Variants in HERC4 observed in about 807,000 individuals in gnomAD.
HERC4 encodes probable E3 ubiquitin-protein ligase HERC4.
A neutral mutation model predicts 124.3 loss-of-function variants in HERC4; 28 were observed. The observed-to-expected ratio is 0.23, with a 90% CI of 0.17 to 0.31. HERC4 has a LOEUF of 0.31. Among genes scored for constraint, HERC4 ranks in the 10% least tolerant of loss-of-function variants. The probability of loss-of-function intolerance (pLI) is 1.00; values close to 1 mark genes in which losing one functional copy is unlikely to be tolerated. For missense variants in HERC4, 713 were observed against 1,229.3 expected, an observed-to-expected ratio of 0.58 and a Z score of 6.28; for synonymous variants, 407 against 421.5, an observed-to-expected ratio of 0.97 and a Z score of 0.42.
intron 19 of HERC4, among the ~76,000 whole-genome samples, chr10:67,950,977 A>C (rs560900465): frequency 3.9e-4 from 60 of 152,300 alleles, no homozygotes; most frequent in African/African-American, 1.4e-3. Flanking sequence ...ATAAACCTGG[A>C]ATGTTTACCG....
chr10:68,040,310 C>T (rs1272251395), intron 4 of HERC4: 1 of 971,750 alleles, frequency 1.0e-6, no homozygotes, highest in African/African-American at 1.8e-5. Context: ...TGCGTCATTA[C>T]TGTGTTAAAG....
At chr10:67,926,517 T>C (rs12773188) in intron 23 of HERC4, among the ~76,000 whole-genome samples, 71,296 of 152,104 alleles carry the variant, frequency 0.47, 20,740 homozygotes, top group Non-Finnish European at 0.66. Context: ...CAGCCGCAGT[T>C]GGCTTTAACT....
At chr10:68,073,387 T>C (rs536487227) in intron 2 of HERC4, among the ~76,000 whole-genome samples, 2 of 152,312 alleles carry the variant, frequency 1.3e-5, no homozygotes, top group East Asian at 1.9e-4. Context: ...AGGGAAAATA[T>C]GACACTTTCT....
intron 3 of HERC4, among the ~76,000 whole-genome samples, chr10:68,051,273 A>C (rs2133595517): frequency 6.6e-6 from 1 of 152,230 alleles, no homozygotes; most frequent in South Asian, 2.1e-4. Flanking sequence ...GTAATTCTGA[A>C]ATAAAAAGGT....
chr10:67,989,886 TTCC>T (rs200357240), intron 14 of HERC4, among the ~76,000 whole-genome samples: 2,321 of 152,174 alleles, frequency 0.015, 69 homozygotes, highest in African/African-American at 0.053. Context: ...GTTTTAATTG[TTCC>T]TCCTCCTTTA....
At chr10:67,983,464 C>T (rs1014611331) in intron 15 of HERC4, among the ~76,000 whole-genome samples, 2 of 152,026 alleles carry the variant, frequency 1.3e-5, no homozygotes, top group African/African-American at 4.8e-5. Context: ...GATTTGGAAG[C>T]AATCTAAGTG....
intron 15 of HERC4, among the ~76,000 whole-genome samples, chr10:67,986,392 G>A (rs2036261639): frequency 6.6e-6 from 1 of 152,088 alleles, no homozygotes; most frequent in Non-Finnish European, 1.5e-5. Flanking sequence ...TCACTCTTTT[G>A]CCCAGGCTGG....
intron 3 of HERC4, among the ~76,000 whole-genome samples, chr10:68,059,618 A>AATAATATTATATATC (rs1564608005): frequency 1.1e-5 from 1 of 89,914 alleles, no homozygotes; most frequent in African/African-American, 6.3e-5. Flanking sequence ...TATATATCAT[A>AATAATATTATATATC]ATATTATATA....
At chr10:67,974,935 A>G (rs2035490610) in intron 15 of HERC4, among the ~76,000 whole-genome samples, 1 of 152,186 alleles carries the variant, frequency 6.6e-6, no homozygotes, top group Non-Finnish European at 1.5e-5. Flanking sequence ...TCATGCCTGT[A>G]ATCCCAGAAC....
At chr10:67,948,153 G>A (rs1409934506) in intron 19 of HERC4, among the ~76,000 whole-genome samples, 1 of 141,840 alleles carries the variant, frequency 7.1e-6, no homozygotes, top group Non-Finnish European at 1.5e-5. Context: ...CTAAAAAAAA[G>A]GGAATGATCT....
At position 68,014,018 on chromosome 10, in the gene HERC4, G is replaced by C; in HGVS notation, c.1069+8C>G. 6.3e-7 allele frequency: 1 copy of C among 1,583,500 alleles called. No individual in the cohort carries two copies. Among genetic ancestry groups the C allele is most frequent in the Non-Finnish European group, 8.6e-7 (1 of 1,167,974 alleles). On this transcript the variant is annotated splice_region_variant and intron_variant, in intron 9 of 24. Transcript: ENST00000373700. ...TATGAAGGAAAGCTTTAATATGACA[G>C]AACTTACCAATATCTGGTAGACACT...
chr10:67,932,882 A>G (rs564504406), intron 22 of HERC4, 102 bp from the exon 23 acceptor site: 1 of 1,001,638 alleles, frequency 1.0e-6, no homozygotes, highest in South Asian at 1.6e-5. Flanking sequence ...TTTCTGCTAC[A>G]TATCTACGAA....
rs2041641699 is a variant in HERC4, at chr10:68,072,940, T to C, written c.169A>G (p.Thr57Ala). 1.9e-6 allele frequency: 3 copies of C among 1,613,978 alleles called. No homozygotes were observed. The highest frequency in any genetic ancestry group is 1.3e-5 in the African/African-American group (1 of 74,940). Residue 57 changes from threonine to alanine, a missense_variant, in exon 3 of 25, where the codon ACA (threonine) becomes GCA (alanine). Coordinates refer to ENST00000373700, the MANE Select transcript of HERC4 (RefSeq NM_015601.4). ...VFVLDDGTVY[T>A]CGCNDLGQLG... ...TGTCCTAGATCATTACATCCACATG[T>C]GTACACTGTTCCATCATCCAGAACA...
At chr10:68,047,962 T>C (rs2133552651) in intron 3 of HERC4, among the ~76,000 whole-genome samples, 1 of 152,186 alleles carries the variant, frequency 6.6e-6, no homozygotes, top group Middle Eastern at 3.4e-3. Flanking sequence ...TCTCACCCTG[T>C]TGCCCAGGCT....
intron 19 of HERC4, among the ~76,000 whole-genome samples, chr10:67,952,386 C>A (rs949381260): frequency 1.3e-5 from 2 of 151,900 alleles, no homozygotes; most frequent in East Asian, 3.9e-4. Flanking sequence ...TGGGTTCAAG[C>A]GATTCTCCTG....
intron 14 of HERC4, among the ~76,000 whole-genome samples, chr10:67,989,598 C>T (rs1589259029): frequency 6.6e-6 from 1 of 151,838 alleles, no homozygotes; most frequent in Non-Finnish European, 1.5e-5. Flanking sequence ...CTAACAAATA[C>T]CATTAGAAAG....
chr10:67,942,382 T>C (rs926157098), intron 19 of HERC4, among the ~76,000 whole-genome samples: 2 of 152,206 alleles, frequency 1.3e-5, no homozygotes, highest in African/African-American at 4.8e-5. Flanking sequence ...TGGACATCTT[T>C]TTGCATATTT....
At chr10:68,016,903 T>C (rs979212833) in intron 8 of HERC4, among the ~76,000 whole-genome samples, 4 of 152,110 alleles carry the variant, frequency 2.6e-5, no homozygotes, top group African/African-American at 9.7e-5. Flanking sequence ...CTACTAAGAA[T>C]TACAAAACTG....
At chr10:67,971,257 A>T (rs1390425839) in intron 15 of HERC4, among the ~76,000 whole-genome samples, 1 of 152,136 alleles carries the variant, frequency 6.6e-6, no homozygotes, top group African/African-American at 2.4e-5. Flanking sequence ...TTTTTCAGAA[A>T]ATAAAGAAGG....
Sources: gnomAD v4.1 joint callset for allele counts (sites outside exome capture counted in the v4.1 genomes callset) on GRCh38, gnomAD v4.1.1 for gene constraint, MANE v1.5 for transcripts, NCBI Gene and HGNC (gene_info 2026-07-23, HGNC 2026-07-21) for gene names.